Variants in ATRNL1 observed in about 807,000 individuals in gnomAD.
The protein encoded by ATRNL1 is attractin like 1, also known as attractin-like protein 1.
Under a neutral mutation model 182.7 loss-of-function variants are expected in ATRNL1, and 95 were observed. The observed-to-expected ratio is 0.52, with a 90% confidence interval of 0.44 to 0.62. ATRNL1 has a LOEUF of 0.62. Ranked by LOEUF, ATRNL1 falls within the 20% of genes least tolerant of loss-of-function variation. ATRNL1 has a pLI of 0.00. For synonymous variants in ATRNL1, 576 were observed against 568.3 expected (o/e 1.01, Z -0.19); for missense variants, 1,471 against 1,679.5 (o/e 0.88, Z 2.17).
chr10:115,808,873 T>C (rs1949981784), intron 27 of ATRNL1, among the ~76,000 whole-genome samples: 1 of 152,152 alleles, frequency 6.6e-6, no homozygotes, highest in African/African-American at 2.4e-5. Context: ...TCTCCTTTTA[T>C]GAATCATGCT....
At chr10:115,228,366 T>C (rs1459550113) in intron 9 of ATRNL1, among the ~76,000 whole-genome samples, 1 of 152,202 alleles carries the variant, frequency 6.6e-6, no homozygotes, top group Non-Finnish European at 1.5e-5. Context: ...ATTTTGCTGA[T>C]TCATATTATC....
At chr10:115,247,959 AG>A (rs1284835067) in intron 10 of ATRNL1, among the ~76,000 whole-genome samples, 1 of 152,194 alleles carries the variant, frequency 6.6e-6, no homozygotes, top group East Asian at 1.9e-4. Flanking sequence ...CATATGTGGA[AG>A]CTAAAAAAAG....
chr10:115,120,091 C>T, intron 1 of ATRNL1, 94 bp from the exon 2 acceptor site: 1 of 745,874 alleles, frequency 1.3e-6, no homozygotes, highest in Non-Finnish European at 2.2e-6. Flanking sequence ...TGTCCCGTTC[C>T]TTTGGCTTAA....
intron 27 of ATRNL1, among the ~76,000 whole-genome samples, chr10:115,801,442 A>G (rs1175507897): frequency 6.6e-6 from 1 of 152,204 alleles, no homozygotes; most frequent in Admixed American, 6.5e-5. Context: ...AATTTCAGCA[A>G]ATTATTTTGC....
intron 26 of ATRNL1, among the ~76,000 whole-genome samples, chr10:115,698,477 C>G (rs1451439998): frequency 2.6e-5 from 4 of 151,904 alleles, no homozygotes; most frequent in Non-Finnish European, 5.9e-5. Flanking sequence ...ACAGTTGTTG[C>G]TAGTGTCAAG....
At chr10:115,263,962 C>T (rs1343558162) in intron 10 of ATRNL1, among the ~76,000 whole-genome samples, 2 of 151,638 alleles carry the variant, frequency 1.3e-5, no homozygotes, top group African/African-American at 4.8e-5. Flanking sequence ...GCAGATATAC[C>T]ATGTGGACTA....
intron 25 of ATRNL1, among the ~76,000 whole-genome samples, chr10:115,541,756 T>C (rs1554992051): frequency 6.6e-6 from 1 of 152,174 alleles, no homozygotes; most frequent in African/African-American, 2.4e-5. Flanking sequence ...AGTGTTATAT[T>C]TGTAAAAAAT....
intron 26 of ATRNL1, among the ~76,000 whole-genome samples, chr10:115,576,670 C>T (rs1165774997): frequency 6.6e-6 from 1 of 152,010 alleles, no homozygotes; most frequent in Non-Finnish European, 1.5e-5. Context: ...AACGTTTTCT[C>T]CCAATCCATT....
chr10:115,339,605 A>G (rs1398377186), intron 19 of ATRNL1, among the ~76,000 whole-genome samples: 2 of 151,934 alleles, frequency 1.3e-5, no homozygotes, highest in African/African-American at 4.8e-5. Context: ...ATTTTTATGG[A>G]GTCTTTAGGT....
intron 17 of ATRNL1, among the ~76,000 whole-genome samples, chr10:115,312,892 A>G (rs1854106324): frequency 6.6e-6 from 1 of 152,056 alleles, no homozygotes; most frequent in South Asian, 2.1e-4. Context: ...ACTTTGTCTT[A>G]GAGTAGTATT....
At position 115,907,463 on chromosome 10, in the gene ATRNL1, T is replaced by C. The variant is rs191464733; in HGVS notation, c.4019-37195T>C. 1.7e-3 allele frequency among the ~76,000 whole-genome samples: 252 copies of C among 152,330 alleles called. 1 individual carries two copies. The highest frequency in any genetic ancestry group is 5.8e-3 in the African/African-American group (240 of 41,590). ...AAGGCCATGGGCCTTATGAACATGTTTGAGAATGAAAACAAAGTTTTTACT... is the reference window on the plus strand; with the variant it reads ...AAGGCCATGGGCCTTATGAACATGTCTGAGAATGAAAACAAAGTTTTTACT... On this transcript the variant is annotated intron_variant, in intron 28 of 28. Coordinates refer to ENST00000355044, the MANE Select transcript of ATRNL1 (RefSeq NM_207303.4).
intron 28 of ATRNL1, among the ~76,000 whole-genome samples, chr10:115,921,117 C>T (rs1437145909): frequency 2.0e-5 from 3 of 152,010 alleles, no homozygotes; most frequent in African/African-American, 7.3e-5. Flanking sequence ...GAAAGGAGGT[C>T]CCTGAAGAAT....
At chr10:115,427,343 A>T (rs1592642102) in intron 21 of ATRNL1, among the ~76,000 whole-genome samples, 1 of 152,060 alleles carries the variant, frequency 6.6e-6, no homozygotes, top group Non-Finnish European at 1.5e-5. Flanking sequence ...TTTTCCACAT[A>T]CTTCATTCTA....
intron 19 of ATRNL1, among the ~76,000 whole-genome samples, chr10:115,379,418 G>C (rs693986): frequency 0.37 from 55,779 of 151,792 alleles, 11,458 homozygotes; most frequent in African/African-American, 0.56. Context: ...CAAAAAGTTA[G>C]CGTCTTAGAA....
At chr10:115,293,411 A>G (rs782321488) in intron 15 of ATRNL1, among the ~76,000 whole-genome samples, 10 of 152,044 alleles carry the variant, frequency 6.6e-5, no homozygotes, top group Non-Finnish European at 1.3e-4. Flanking sequence ...TCTGGTTTTC[A>G]TACATCTTTT....
chr10:115,922,722 A>G (rs1555118991), intron 28 of ATRNL1, among the ~76,000 whole-genome samples: 1 of 152,228 alleles, frequency 6.6e-6, no homozygotes, highest in East Asian at 1.9e-4. Context: ...CCAATCTGAC[A>G]TATGTAGTAG....
intron 9 of ATRNL1, among the ~76,000 whole-genome samples, chr10:115,239,748 A>G (rs1850334988): frequency 6.6e-6 from 1 of 152,124 alleles, no homozygotes; most frequent in African/African-American, 2.4e-5. Context: ...GGTGGGATGA[A>G]GGCTATTGGG....
At chr10:115,637,609 T>C (rs1370769422) in intron 26 of ATRNL1, among the ~76,000 whole-genome samples, 1 of 94,702 alleles carries the variant, frequency 1.1e-5, no homozygotes, top group African/African-American at 3.3e-5. Context: ...ATTACTATTA[T>C]TATTATTATT....
chr10:115,909,541 A>C (rs1255069405), intron 28 of ATRNL1: 1 of 149,802 alleles, frequency 6.7e-6, no homozygotes, highest in Non-Finnish European at 1.5e-5. Flanking sequence ...TCTGCTTGCC[A>C]GGCGCCAGAC....
Sources: allele counts gnomAD v4.1 joint callset (sites outside exome capture counted in the v4.1 genomes callset), GRCh38; gene constraint gnomAD v4.1.1; transcripts MANE v1.5; gene names NCBI Gene and HGNC (gene_info 2026-07-23, HGNC 2026-07-21).